Variants in ZNF385D observed in about 807,000 individuals in gnomAD.
ZNF385D encodes the protein zinc finger protein 659.
A neutral mutation model predicts 35.8 loss-of-function variants in ZNF385D; 15 were observed. The ratio of observed to expected loss-of-function variants is 0.42; its 90% CI spans 0.28 to 0.64. The LOEUF is 0.64. ZNF385D is among the 30% of genes least tolerant of loss of function. The pLI is 0.23. For missense variants in ZNF385D, 474 were observed against 494.6 expected, an observed-to-expected ratio of 0.96 and a Z score of 0.39; for synonymous variants, 212 against 186.8, an observed-to-expected ratio of 1.13 and a Z score of -1.10.
chr3:22,142,329 T>C (rs1019516078), intron 3 of ZNF385D, among the ~76,000 whole-genome samples: 3 of 152,176 alleles, frequency 2.0e-5, no homozygotes, highest in South Asian at 2.1e-4. Context: ...AATTCAACAA[T>C]TGTTATTTCT....
At chr3:21,641,899 C>G (rs2065617254) in intron 2 of ZNF385D, among the ~76,000 whole-genome samples, 1 of 152,066 alleles carries the variant, frequency 6.6e-6, no homozygotes, top group Admixed American at 6.6e-5. Flanking sequence ...AATAGGCAAG[C>G]TGGAAGCTTG....
chr3:21,594,368 C>T (rs1358951550), intron 2 of ZNF385D, among the ~76,000 whole-genome samples: 1 of 152,098 alleles, frequency 6.6e-6, no homozygotes, highest in Non-Finnish European at 1.5e-5. Context: ...AAAGATTGCA[C>T]CGTGCAAGTA....
At chr3:21,577,096 G>A (rs367712067) in intron 2 of ZNF385D, among the ~76,000 whole-genome samples, 18 of 152,106 alleles carry the variant, frequency 1.2e-4, no homozygotes, top group South Asian at 1.0e-3. Context: ...AAGAACAATA[G>A]AACTTATTCT....
chr3:21,673,530 A>G (rs938611727), intron 1 of ZNF385D, among the ~76,000 whole-genome samples: 2 of 152,120 alleles, frequency 1.3e-5, no homozygotes, highest in African/African-American at 4.8e-5. Context: ...ATTGAGGAGA[A>G]GAGTTTTCTC....
At chr3:21,649,299 T>C (rs2065845917) in intron 2 of ZNF385D, among the ~76,000 whole-genome samples, 1 of 152,172 alleles carries the variant, frequency 6.6e-6, no homozygotes, top group South Asian at 2.1e-4. Context: ...ATAAGGATGA[T>C]GTTTTAGAAG....
chr3:22,047,591 A>G (rs1199899632), intron 3 of ZNF385D, among the ~76,000 whole-genome samples: 2 of 152,088 alleles, frequency 1.3e-5, no homozygotes, highest in Non-Finnish European at 2.9e-5. Context: ...TTCCTGTTTA[A>G]TGCTGAATAG....
intron 2 of ZNF385D, among the ~76,000 whole-genome samples, chr3:21,628,589 CAAGT>C (rs968135076): frequency 2.0e-5 from 3 of 152,162 alleles, no homozygotes; most frequent in African/African-American, 7.2e-5. Context: ...CTAAAAAAGA[CAAGT>C]GAGTTTGTCA....
intron 4 of ZNF385D, among the ~76,000 whole-genome samples, chr3:21,484,850 G>A (rs1235431944): frequency 6.6e-6 from 1 of 152,154 alleles, no homozygotes; most frequent in Non-Finnish European, 1.5e-5. Context: ...GGACTATTTT[G>A]TCTGAACCCA....
chr3:21,576,066 ACT>A (rs2063488703), intron 2 of ZNF385D, among the ~76,000 whole-genome samples: 1 of 152,148 alleles, frequency 6.6e-6, no homozygotes, highest in Admixed American at 6.6e-5. Context: ...CTGTGAGTAA[ACT>A]CTACAACTGC....
intron 2 of ZNF385D, among the ~76,000 whole-genome samples, chr3:22,322,198 ACT>A (rs1289473383): frequency 5.3e-5 from 8 of 151,666 alleles, no homozygotes; most frequent in African/African-American, 1.7e-4. Flanking sequence ...CCATTATTTT[ACT>A]CTCTTCTTCA....
intron 3 of ZNF385D, among the ~76,000 whole-genome samples, chr3:21,797,358 G>C (rs2072200630): frequency 6.6e-6 from 1 of 152,190 alleles, no homozygotes; most frequent in African/African-American, 2.4e-5. Context: ...GCTAGGATGT[G>C]AAGCAACTGG....
At chr3:22,312,747 A>C (rs1351276047) in intron 2 of ZNF385D, among the ~76,000 whole-genome samples, 1 of 149,482 alleles carries the variant, frequency 6.7e-6, no homozygotes, top group African/African-American at 2.5e-5. Flanking sequence ...AAAAGTCAGG[A>C]AACAACAGGT....
chr3:21,711,972 T>C (rs1286057214), intron 1 of ZNF385D, among the ~76,000 whole-genome samples: 2 of 152,232 alleles, frequency 1.3e-5, no homozygotes, highest in Admixed American at 1.3e-4. Flanking sequence ...ATTATAATCT[T>C]CCATAATATC....
chr3:21,677,406 T>C (rs1434824755), intron 1 of ZNF385D, among the ~76,000 whole-genome samples: 1 of 152,068 alleles, frequency 6.6e-6, no homozygotes, highest in Non-Finnish European at 1.5e-5. Context: ...CATCTTGACT[T>C]GTACAACTAA....
intron 3 of ZNF385D, among the ~76,000 whole-genome samples, chr3:21,764,230 A>G (rs1225814166): frequency 2.6e-5 from 4 of 152,174 alleles, no homozygotes; most frequent in South Asian, 2.1e-4. Flanking sequence ...AGCAGTGTGG[A>G]GACAAGAGCT....
At chr3:22,175,070 A>G (rs1457184824) in intron 2 of ZNF385D, among the ~76,000 whole-genome samples, 3 of 97,150 alleles carry the variant, frequency 3.1e-5, no homozygotes, top group African/African-American at 1.2e-4. Flanking sequence ...GTATGGGAAG[A>G]TATCAGTCTA....
intron 1 of ZNF385D, among the ~76,000 whole-genome samples, chr3:21,746,179 G>GT (rs1450001194): frequency 6.6e-6 from 1 of 152,114 alleles, no homozygotes. Context: ...TTTGTCATTT[G>GT]TTTTTTGGAA....
rs571413748 is a variant in ZNF385D at position 22,196,465 on chromosome 3, T to G, written c.107-27430A>C. Among the ~76,000 whole-genome samples, 3 of 152,210 alleles carry G rather than the reference T, an allele frequency of 2.0e-5. No individual in the cohort carries two copies. The East Asian group carries it at 5.8e-4, about 29-fold the overall frequency. ...TATGTTCTATTTGTTTTCTATTTTC[T>G]CCTTTCATTCTTTTTTCTTTCTCTT... is the stretch of plus-strand genomic sequence containing the variant. On this transcript the variant is annotated intron_variant, in intron 2 of 5. Coordinates refer to the ZNF385D transcript ENST00000494108.
chr3:21,982,653 T>C (rs1278139469), intron 3 of ZNF385D, among the ~76,000 whole-genome samples: 2 of 152,192 alleles, frequency 1.3e-5, no homozygotes, highest in African/African-American at 4.8e-5. Flanking sequence ...AGCATACTTG[T>C]CTTGAGCTGG....
Sources: gnomAD v4.1 joint callset for allele counts (sites outside exome capture counted in the v4.1 genomes callset) on GRCh38, gnomAD v4.1.1 for gene constraint, MANE v1.5 for transcripts, NCBI Gene and HGNC (gene_info 2026-07-23, HGNC 2026-07-21) for gene names.